Variants in FRMPD4 observed in about 807,000 individuals in gnomAD.
FRMPD4 encodes the protein FERM and PDZ domain-containing protein 4.
In FRMPD4, 22 loss-of-function variants were observed where a neutral mutation model predicts 94.1. The observed-to-expected ratio is 0.23, with a 90% confidence interval of 0.17 to 0.33. The LOEUF is 0.33. Among genes scored for constraint, FRMPD4 ranks in the 10% least tolerant of loss-of-function variants. FRMPD4 has a pLI of 1.00. For synonymous variants in FRMPD4, 631 were observed against 548.6 expected (o/e 1.15, Z -2.10); for missense variants, 1,111 against 1,339.9 (o/e 0.83, Z 2.67).
At chrX:12,343,925 A>AT (rs2055659970) in intron 1 of FRMPD4, among the ~76,000 whole-genome samples, 1 of 112,191 alleles carries the variant, frequency 8.9e-6, no homozygotes, top group African/African-American at 3.2e-5. Flanking sequence ...AAGCATCATC[A>AT]TATGTTGCCA....
chrX:12,028,308 T>C (rs1279251352), intron 3 of FRMPD4, among the ~76,000 whole-genome samples: 2 of 112,100 alleles, frequency 1.8e-5, no homozygotes, highest in African/African-American at 6.5e-5. Flanking sequence ...ATTGTTTGTT[T>C]GTTTGAATAG....
chrX:11,846,853 T>C (rs1269914672), intron 1 of FRMPD4, among the ~76,000 whole-genome samples: 22 of 110,731 alleles, frequency 2.0e-4, no homozygotes, highest in East Asian at 1.4e-3. Flanking sequence ...ACTGGATCCC[T>C]TCCTTACACC....
intron 1 of FRMPD4, among the ~76,000 whole-genome samples, chrX:12,413,965 A>G (rs2056767089): frequency 8.9e-6 from 1 of 112,346 alleles, no homozygotes; most frequent in Non-Finnish European, 1.9e-5. Flanking sequence ...ATTTTTTTCA[A>G]TTAAAGCCCA....
At chrX:12,679,717 A>G (rs1170588408) in intron 5 of FRMPD4, among the ~76,000 whole-genome samples, 1 of 111,987 alleles carries the variant, frequency 8.9e-6, no homozygotes, top group African/African-American at 3.2e-5. Context: ...TAAATACCCC[A>G]GCTCCCTCTC....
intron 2 of FRMPD4, among the ~76,000 whole-genome samples, chrX:12,575,368 G>A (rs1473252431): frequency 3.0e-5 from 3 of 100,662 alleles, no homozygotes; most frequent in Non-Finnish European, 6.0e-5. Context: ...CTTTGCTGTT[G>A]CTCGGTCCTA....
At chrX:12,301,765 A>G (rs2054863168) in intron 1 of FRMPD4, among the ~76,000 whole-genome samples, 1 of 112,290 alleles carries the variant, frequency 8.9e-6, no homozygotes, top group Admixed American at 9.5e-5. Context: ...AATTCAGCTA[A>G]CTTGTGAAAT....
intron 2 of FRMPD4, among the ~76,000 whole-genome samples, chrX:12,563,793 T>A (rs1419641453): frequency 8.9e-6 from 1 of 112,276 alleles, no homozygotes; most frequent in Non-Finnish European, 1.9e-5. Context: ...AACATGTCCT[T>A]ATAATTGGGT....
At chrX:12,410,488 C>T (rs933220705) in intron 1 of FRMPD4, among the ~76,000 whole-genome samples, 3 of 111,181 alleles carry the variant, frequency 2.7e-5, no homozygotes, top group African/African-American at 9.8e-5. Context: ...AACCACTTTG[C>T]ACCAGTAACT....
At chrX:12,053,741 T>C (rs994640152) in intron 3 of FRMPD4, among the ~76,000 whole-genome samples, 1 of 111,833 alleles carries the variant, frequency 8.9e-6, no homozygotes, top group Non-Finnish European at 1.9e-5. Context: ...GGAAGAAAAA[T>C]ATATTTTCCT....
intron 3 of FRMPD4, among the ~76,000 whole-genome samples, chrX:11,992,468 G>T (rs1159143271): frequency 9.0e-6 from 1 of 111,423 alleles, no homozygotes; most frequent in African/African-American, 3.3e-5. Context: ...CTTACCCAGA[G>T]TCCCCAGGGT....
At chrX:12,196,591 C>T (rs1172959010) in intron 1 of FRMPD4, among the ~76,000 whole-genome samples, 5 of 107,364 alleles carry the variant, frequency 4.7e-5, no homozygotes, top group African/African-American at 1.4e-4. Flanking sequence ...GTTGAACATA[C>T]CTAAAGTAGA....
intron 3 of FRMPD4, among the ~76,000 whole-genome samples, chrX:12,071,871 G>C (rs1486012684): frequency 8.9e-6 from 1 of 111,755 alleles, no homozygotes; most frequent in Non-Finnish European, 1.9e-5. Context: ...ATTATACAAG[G>C]AAATGCACTT....
At chrX:12,234,704 C>A (rs1262454230) in intron 1 of FRMPD4, among the ~76,000 whole-genome samples, 1 of 111,903 alleles carries the variant, frequency 8.9e-6, no homozygotes, top group Non-Finnish European at 1.9e-5. Flanking sequence ...CAATTATATT[C>A]TATATAACAC....
intron 2 of FRMPD4, among the ~76,000 whole-genome samples, chrX:12,541,511 A>G (rs139829593): frequency 0.015 from 1,700 of 111,990 alleles, 32 homozygotes; most frequent in African/African-American, 0.052. Context: ...AAATTCCTGG[A>G]CACACACATC....
intron 1 of FRMPD4, among the ~76,000 whole-genome samples, chrX:12,332,924 T>G (rs1291116300): frequency 8.9e-6 from 1 of 111,748 alleles, no homozygotes; most frequent in Non-Finnish European, 1.9e-5. Context: ...CCGATTAAGC[T>G]CCCTGTTTTA....
intron 1 of FRMPD4, among the ~76,000 whole-genome samples, chrX:12,315,172 G>A (rs904195481): frequency 8.9e-6 from 1 of 111,800 alleles, no homozygotes; most frequent in African/African-American, 3.3e-5. Flanking sequence ...AACTTGTGCC[G>A]AGTGACTAAT....
intron 1 of FRMPD4, among the ~76,000 whole-genome samples, chrX:12,459,753 T>C (rs747100594): frequency 6.2e-5 from 7 of 112,228 alleles, no homozygotes; most frequent in African/African-American, 1.9e-4. Context: ...ATCGCTGCTA[T>C]GAACTACCAT....
chrX:12,127,757 TA>T (rs1344432758), intron 3 of FRMPD4, among the ~76,000 whole-genome samples: 1 of 112,147 alleles, frequency 8.9e-6, no homozygotes, highest in Admixed American at 9.4e-5. Context: ...GCCTGTAAAA[TA>T]AAAAACAAGT....
intron 5 of FRMPD4, among the ~76,000 whole-genome samples, chrX:12,677,103 G>A (rs746326793): frequency 1.8e-5 from 2 of 111,069 alleles, no homozygotes; most frequent in Non-Finnish European, 3.8e-5. Flanking sequence ...AGAGTTCTCT[G>A]TTATGGGGAC....
Sources: allele counts gnomAD v4.1 joint callset (sites outside exome capture counted in the v4.1 genomes callset), GRCh38; gene constraint gnomAD v4.1.1; transcripts MANE v1.5; gene names NCBI Gene and HGNC (gene_info 2026-07-23, HGNC 2026-07-21).